The following RALYL variants were observed in gnomAD, a reference collection of about 807,000 sequenced individuals.
RALYL encodes the protein RNA-binding Raly-like protein.
In RALYL, 29 loss-of-function variants were observed where a neutral mutation model predicts 35.1. That is an observed-to-expected ratio of 0.83 (90% CI 0.61 to 1.13). The LOEUF is 1.13. Ranked by LOEUF, RALYL falls within the 50% of genes most tolerant of loss-of-function variation. RALYL has a pLI of 0.00. For synonymous variants in RALYL, 120 were observed against 127.6 expected, an observed-to-expected ratio of 0.94 and a Z score of 0.40; for missense variants, 359 against 360.4, an observed-to-expected ratio of 1.00 and a Z score of 0.03.
chr8:84,519,658 A>G (rs1038525497), intron 1 of RALYL, among the ~76,000 whole-genome samples: 4 of 152,208 alleles, frequency 2.6e-5, no homozygotes, highest in African/African-American at 9.6e-5. Flanking sequence ...TATTTTTGAG[A>G]TAGTTTTAAT....
intron 2 of RALYL, among the ~76,000 whole-genome samples, chr8:84,665,303 C>CT (rs143140113): frequency 1.3e-5 from 2 of 151,732 alleles, no homozygotes. Context: ...CTCTACCAGG[C>CT]TTTTTTTAAT....
intron 2 of RALYL, among the ~76,000 whole-genome samples, chr8:84,566,338 A>G (rs184612214): frequency 6.6e-6 from 1 of 151,648 alleles, no homozygotes; most frequent in Admixed American, 6.6e-5. Flanking sequence ...AGGGGTGGAG[A>G]CTATGAAAAA....
intron 2 of RALYL, among the ~76,000 whole-genome samples, chr8:84,565,699 G>A (rs79388390): frequency 0.011 from 1,676 of 151,618 alleles, 25 homozygotes; most frequent in African/African-American, 0.039. Flanking sequence ...CTGAATGCCT[G>A]TTGATTGTGA....
At chr8:84,681,444 A>G (rs1418685446) in intron 2 of RALYL, among the ~76,000 whole-genome samples, 1 of 143,906 alleles carries the variant, frequency 6.9e-6, no homozygotes, top group Non-Finnish European at 1.5e-5. Context: ...CTTGGGCAGT[A>G]CAGCCATTTT....
chr8:84,433,677 A>C (rs1284124639), intron 1 of RALYL, among the ~76,000 whole-genome samples: 1 of 151,724 alleles, frequency 6.6e-6, no homozygotes, highest in African/African-American at 2.4e-5. Flanking sequence ...AGTGGCTTTC[A>C]CCTTCCACCA....
At chr8:84,302,775 T>C (rs1012143152) in intron 1 of RALYL, among the ~76,000 whole-genome samples, 2 of 152,312 alleles carry the variant, frequency 1.3e-5, no homozygotes, top group Non-Finnish European at 2.9e-5. Flanking sequence ...AATTATGAAT[T>C]GATCAGGGTG....
intron 2 of RALYL, among the ~76,000 whole-genome samples, chr8:84,543,526 G>T (rs2060156752): frequency 6.6e-6 from 1 of 151,774 alleles, no homozygotes; most frequent in African/African-American, 2.4e-5. Context: ...ACTTAGTAAA[G>T]TGGTTTCCTA....
intron 1 of RALYL, among the ~76,000 whole-genome samples, chr8:84,403,522 C>CTTTTTTTTTTTTTTTTTTTTTTTTT (rs2043136000): frequency 3.8e-5 from 2 of 52,118 alleles, no homozygotes; most frequent in African/African-American, 6.8e-5. Flanking sequence ...GTCTATATCT[C>CTTTTTTTTTTTTTTTTTTTTTTTTT]TGTTTTTTTT....
chr8:84,496,719 A>G (rs142365033), intron 1 of RALYL, among the ~76,000 whole-genome samples: 3 of 152,284 alleles, frequency 2.0e-5, no homozygotes, highest in African/African-American at 7.2e-5. Context: ...TCAACTATCT[A>G]TCTATTACAT....
At chr8:84,632,246 A>T (rs1376912466) in intron 2 of RALYL, among the ~76,000 whole-genome samples, 1 of 151,994 alleles carries the variant, frequency 6.6e-6, no homozygotes, top group African/African-American at 2.4e-5. Context: ...TGTAAGAAAT[A>T]GAAATAAAAT....
chr8:84,703,661 C>T (rs1840618253), intron 2 of RALYL, among the ~76,000 whole-genome samples: 1 of 152,110 alleles, frequency 6.6e-6, no homozygotes, highest in South Asian at 2.1e-4. Flanking sequence ...ATATCAATGA[C>T]ATTTGAGTCA....
chr8:84,896,067 C>G (rs929580527), intron 8 of RALYL, among the ~76,000 whole-genome samples: 2 of 152,146 alleles, frequency 1.3e-5, no homozygotes, highest in Non-Finnish European at 2.9e-5. Flanking sequence ...CTTCTTCTAC[C>G]TGCCCACTAC....
intron 1 of RALYL, among the ~76,000 whole-genome samples, chr8:84,390,887 T>C (rs1164535019): frequency 6.6e-6 from 1 of 152,000 alleles, no homozygotes; most frequent in Admixed American, 6.6e-5. Flanking sequence ...GCCAACATTA[T>C]GCATTCTGAA....
chr8:84,442,055 C>T (rs1022191467), intron 1 of RALYL, among the ~76,000 whole-genome samples: 5 of 152,000 alleles, frequency 3.3e-5, no homozygotes, highest in Non-Finnish European at 5.9e-5. Flanking sequence ...GGGAATATCA[C>T]TGAACATTTG....
intron 1 of RALYL, among the ~76,000 whole-genome samples, chr8:84,278,141 C>A (rs1041037037): frequency 2.0e-5 from 3 of 152,220 alleles, no homozygotes; most frequent in Non-Finnish European, 2.9e-5. Flanking sequence ...TCCATACATC[C>A]TCTGAAATCT....
intron 4 of RALYL, among the ~76,000 whole-genome samples, chr8:84,827,081 T>C (rs1829887350): frequency 6.6e-6 from 1 of 152,072 alleles, no homozygotes; most frequent in Non-Finnish European, 1.5e-5. Context: ...TTAAAAACCT[T>C]ATAGCAGAAA....
intron 2 of RALYL, among the ~76,000 whole-genome samples, chr8:84,655,077 T>C (rs1427998123): frequency 6.6e-6 from 1 of 152,130 alleles, no homozygotes; most frequent in African/African-American, 2.4e-5. Context: ...GAAGTTTTCC[T>C]TTCTGCTACA....
chr8:84,850,045 C>G lies in RALYL; in HGVS notation c.413+18C>G, dbSNP rs767196784. The G allele has an allele frequency of 1.4e-6, 2 of 1,386,470 alleles. No individual in the cohort carries two copies. The highest frequency in any genetic ancestry group is 5.4e-5 in the East Asian group (2 of 37,336). 85.9% of individuals were successfully genotyped at this position (1,386,470 alleles called of 1,614,324 possible). The stretch of plus-strand genomic sequence containing the variant: ...TACAATCGGTATGTGAATTTTTCAT[C>G]CTTGTTTTCCTATGACTTAAATTAT... On this transcript the variant is annotated intron_variant, in intron 5 of 8. Transcript: ENST00000521268.
At chr8:84,542,663 C>T (rs1014053091) in intron 2 of RALYL, among the ~76,000 whole-genome samples, 1 of 152,122 alleles carries the variant, frequency 6.6e-6, no homozygotes, top group East Asian at 1.9e-4. Flanking sequence ...TTTCCTGAGG[C>T]TTCCCCAGCC....
Sources: allele counts gnomAD v4.1 joint callset (sites outside exome capture counted in the v4.1 genomes callset), GRCh38; gene constraint gnomAD v4.1.1; transcripts MANE v1.5; gene names NCBI Gene and HGNC (gene_info 2026-07-23, HGNC 2026-07-21).